Variants in PTPRD observed in about 807,000 individuals in gnomAD.
PTPRD encodes protein tyrosine phosphatase receptor type D.
A neutral mutation model predicts 214.5 loss-of-function variants in PTPRD; 34 were observed. That is an observed-to-expected ratio of 0.16 (90% CI 0.12 to 0.21). The LOEUF (loss-of-function observed/expected upper bound fraction) is 0.21, where lower values mean the gene tolerates loss of function less well. Ranked by LOEUF, PTPRD falls within the 10% of genes least tolerant of loss-of-function variation. PTPRD has a pLI of 1.00. For missense variants in PTPRD, 2,545 were observed against 2,398.7 expected (o/e 1.06, Z -1.27); for synonymous variants, 1,128 against 845.7 (o/e 1.33, Z -5.79).
At chr9:10,551,109 G>C (rs2061260439) in intron 2 of PTPRD, among the ~76,000 whole-genome samples, 1 of 152,148 alleles carries the variant, frequency 6.6e-6, no homozygotes. Flanking sequence ...CAAAGTGGGA[G>C]CATCACTTGA....
intron 2 of PTPRD, among the ~76,000 whole-genome samples, chr9:10,535,491 T>TA (rs1328852986): frequency 2.0e-5 from 3 of 151,934 alleles, no homozygotes; most frequent in Non-Finnish European, 2.9e-5. Context: ...CCAACATCTT[T>TA]AAAAAAAAGT....
intron 8 of PTPRD, among the ~76,000 whole-genome samples, chr9:9,462,036 C>A (rs984656828): frequency 6.6e-6 from 1 of 152,074 alleles, no homozygotes. Context: ...GTTTGCTTCT[C>A]TATTTTTGTC....
At chr9:8,882,050 A>G (rs995828813) in intron 11 of PTPRD, among the ~76,000 whole-genome samples, 1 of 152,246 alleles carries the variant, frequency 6.6e-6, no homozygotes, top group Non-Finnish European at 1.5e-5. Context: ...CCTGAGGATC[A>G]TGTCTCAGAA....
intron 8 of PTPRD, among the ~76,000 whole-genome samples, chr9:9,493,516 G>C (rs1219813387): frequency 6.6e-6 from 1 of 151,870 alleles, no homozygotes; most frequent in East Asian, 1.9e-4. Context: ...TGTCCGGGTA[G>C]GGTGGCTCAT....
chr9:9,657,249 G>T (rs1205053070), intron 7 of PTPRD, among the ~76,000 whole-genome samples: 1 of 151,734 alleles, frequency 6.6e-6, no homozygotes, highest in Non-Finnish European at 1.5e-5. Context: ...ATGGTTTCAA[G>T]ATACACCGTG....
At chr9:9,704,403 A>G (rs1390927969) in intron 7 of PTPRD, among the ~76,000 whole-genome samples, 4 of 152,198 alleles carry the variant, frequency 2.6e-5, no homozygotes, top group Non-Finnish European at 4.4e-5. Flanking sequence ...ATCTCTAGCT[A>G]AGGCAAATCA....
chr9:9,922,084 C>T (rs1274834348), intron 5 of PTPRD, among the ~76,000 whole-genome samples: 1 of 152,102 alleles, frequency 6.6e-6, no homozygotes, highest in Admixed American at 6.6e-5. Flanking sequence ...TATATGCCCA[C>T]AGTGTGGAGC....
At position 8,389,339 on chromosome 9, in the gene PTPRD, C is replaced by T. The variant is rs1351682446; in HGVS notation, c.4279G>A (p.Ala1427Thr). Residue 1427 changes from alanine to threonine, a missense_variant, in exon 37 of 46, where the codon GCA (alanine) becomes ACA (threonine). Transcript: ENST00000381196. ...GTTTCGGGGAGAGATCCCTGTGTTG[C>T]AATATAGGCATTTTGCTTCCTATAC... ...DGYRKQNAYI[A>T]TQGSLPETFG... 6.2e-7 allele frequency: 1 copy of T among 1,612,978 alleles called. No homozygotes were observed. Among genetic ancestry groups the T allele is most frequent in the Non-Finnish European group, 8.5e-7 (1 of 1,179,374 alleles).
At chr9:9,697,940 T>C (rs888927863) in intron 7 of PTPRD, among the ~76,000 whole-genome samples, 1 of 152,166 alleles carries the variant, frequency 6.6e-6, no homozygotes, top group Non-Finnish European at 1.5e-5. Context: ...TTGAGAGACT[T>C]TAATGACTTT....
chr9:10,103,395 T>TATATATATATATATATATATATA (rs34926923), intron 3 of PTPRD, among the ~76,000 whole-genome samples: 2,511 of 115,732 alleles, frequency 0.022, 221 homozygotes, highest in African/African-American at 0.031. Context: ...ATATATATAT[T>TATATATATATATATATATATATA]TATTTAAGAG....
At chr9:8,896,280 A>G (rs575829148) in intron 11 of PTPRD, among the ~76,000 whole-genome samples, 16 of 152,338 alleles carry the variant, frequency 1.1e-4, no homozygotes, top group Non-Finnish European at 2.4e-4. Flanking sequence ...TCAATTTCCT[A>G]TTGCCTTCAG....
intron 11 of PTPRD, among the ~76,000 whole-genome samples, chr9:8,980,743 T>C (rs1049920566): frequency 3.0e-4 from 46 of 152,090 alleles, no homozygotes; most frequent in Admixed American, 3.0e-3. Flanking sequence ...CCTTGAATGA[T>C]AGAGGCTAAA....
chr9:9,743,459 G>A (rs1486863481), intron 6 of PTPRD, among the ~76,000 whole-genome samples: 3 of 152,042 alleles, frequency 2.0e-5, no homozygotes, highest in Non-Finnish European at 2.9e-5. Flanking sequence ...TTGTTCCTAT[G>A]AAGGCACCTA....
At chr9:8,702,540 T>C (rs1196504710) in intron 12 of PTPRD, among the ~76,000 whole-genome samples, 2 of 152,224 alleles carry the variant, frequency 1.3e-5, no homozygotes, top group Non-Finnish European at 2.9e-5. Context: ...AGTTTTTTGA[T>C]AGACATCTGT....
At chr9:8,701,029 T>A (rs1163371173) in intron 12 of PTPRD, 1 of 151,982 alleles carries the variant, frequency 6.6e-6, no homozygotes, top group Non-Finnish European at 1.5e-5. Flanking sequence ...GGTGTGGTGA[T>A]GCGTGCCTGT....
At chr9:9,684,408 T>C (rs1217292921) in intron 7 of PTPRD, among the ~76,000 whole-genome samples, 1 of 151,632 alleles carries the variant, frequency 6.6e-6, no homozygotes, top group African/African-American at 2.4e-5. Context: ...AGATGTTAAT[T>C]TTCCAGATTA....
intron 37 of PTPRD, among the ~76,000 whole-genome samples, chr9:8,381,109 A>C (rs2084928381): frequency 6.6e-6 from 1 of 152,188 alleles, no homozygotes. Flanking sequence ...CTATTGCTAA[A>C]AGTGACTCTA....
chr9:9,148,471 G>A (rs2099872368), intron 10 of PTPRD, among the ~76,000 whole-genome samples: 1 of 152,102 alleles, frequency 6.6e-6, no homozygotes, highest in African/African-American at 2.4e-5. Context: ...TTGTAGATGA[G>A]TCTAATCCTG....
At chr9:8,850,031 CAA>C (rs1308977791) in intron 11 of PTPRD, among the ~76,000 whole-genome samples, 1 of 151,916 alleles carries the variant, frequency 6.6e-6, no homozygotes, top group Non-Finnish European at 1.5e-5. Context: ...AGGATAAGAA[CAA>C]AAGGAAGAAA....
Sources: gnomAD v4.1 joint callset for allele counts (sites outside exome capture counted in the v4.1 genomes callset) on GRCh38, gnomAD v4.1.1 for gene constraint, MANE v1.5 for transcripts, NCBI Gene and HGNC (gene_info 2026-07-23, HGNC 2026-07-21) for gene names.